The following EFHC2 variants were observed in gnomAD, a reference collection of about 807,000 sequenced individuals.
EFHC2 encodes EF-hand domain-containing family member C2.
EFHC2 carries 18 observed loss-of-function variants against 52.7 expected under a neutral mutation model. That is an observed-to-expected ratio of 0.34 (90% CI 0.24 to 0.51). The LOEUF (loss-of-function observed/expected upper bound fraction) is 0.51. EFHC2 is among the 20% of genes least tolerant of loss of function. EFHC2 has a pLI of 0.97. For missense variants in EFHC2, 513 were observed against 562.5 expected (o/e 0.91, Z 0.89); for synonymous variants, 203 against 204.1 (o/e 0.99, Z 0.04).
intron 3 of EFHC2, among the ~76,000 whole-genome samples, chrX:44,266,012 T>A (rs747548250): frequency 8.9e-6 from 1 of 112,063 alleles, no homozygotes; most frequent in African/African-American, 3.2e-5. Flanking sequence ...TAACAGATGC[T>A]TTAATGTCCT....
chrX:44,187,267 A>G (rs1361109780), intron 11 of EFHC2, among the ~76,000 whole-genome samples: 4 of 107,950 alleles, frequency 3.7e-5, no homozygotes, highest in Non-Finnish European at 7.6e-5. Context: ...CCACCGAAAT[A>G]TAACCAAGTA....
intron 11 of EFHC2, among the ~76,000 whole-genome samples, chrX:44,218,011 A>G (rs1484427998): frequency 9.0e-6 from 1 of 111,599 alleles, no homozygotes; most frequent in Non-Finnish European, 1.9e-5. Flanking sequence ...ATTAAAAAAG[A>G]TTCAAGGGGA....
chrX:44,282,366 G>A (rs2037708852), intron 2 of EFHC2, among the ~76,000 whole-genome samples: 1 of 103,719 alleles, frequency 9.6e-6, no homozygotes, highest in Admixed American at 1.0e-4. Flanking sequence ...CACTTTGGGA[G>A]GCCGAGGCAG....
At chrX:44,153,513 T>G (rs1185350651) in intron 14 of EFHC2, among the ~76,000 whole-genome samples, 2 of 111,818 alleles carry the variant, frequency 1.8e-5, no homozygotes, top group Non-Finnish European at 3.8e-5. Context: ...GGTCCATCTA[T>G]TGCCAACCCC....
At chrX:44,211,561 G>T (rs1303175471) in intron 11 of EFHC2, among the ~76,000 whole-genome samples, 1 of 106,733 alleles carries the variant, frequency 9.4e-6, no homozygotes, top group African/African-American at 3.4e-5. Context: ...AAGTAAAAAA[G>T]AAAAAATAAA....
intron 14 of EFHC2, among the ~76,000 whole-genome samples, chrX:44,156,126 T>C (rs1428520902): frequency 8.9e-6 from 1 of 111,896 alleles, no homozygotes; most frequent in African/African-American, 3.3e-5. Context: ...GAGATGTGGA[T>C]TTTTGAGCTT....
At chrX:44,322,841 C>T (rs1569308709) in intron 1 of EFHC2, among the ~76,000 whole-genome samples, 1 of 110,918 alleles carries the variant, frequency 9.0e-6, no homozygotes, top group African/African-American at 3.3e-5. Flanking sequence ...GGTGAAACCC[C>T]GTCTCTGCTA....
rs761097766 is a variant in EFHC2, at chrX:44,330,080, C to T, written c.42+13467G>A. Among the ~76,000 whole-genome samples, 5 of 49,890 alleles carry T rather than the reference C, an allele frequency of 1.0e-4. No individual in the cohort carries two copies. In the South Asian group the frequency reaches 5.4e-3, roughly 54 times the overall value. 43.3% of individuals were successfully genotyped at this position (49,890 alleles called of 115,157 possible). A position where few individuals can be genotyped will look rare whatever the true frequency, so the allele number is the denominator to read the frequency against. On this transcript the variant is annotated intron_variant, in intron 1 of 14. Coordinates refer to ENST00000420999, the MANE Select transcript of EFHC2 (RefSeq NM_025184.4). The stretch of plus-strand genomic sequence containing the variant: ...CCTGGGCAACATGGTAAAACCCTGT[C>T]TCTACAAAAAAAAAAAAAAAAAAAA...
intron 13 of EFHC2, among the ~76,000 whole-genome samples, chrX:44,167,049 T>A (rs2036701457): frequency 9.0e-6 from 1 of 111,725 alleles, no homozygotes; most frequent in African/African-American, 3.3e-5. Flanking sequence ...GGCTTCCCAA[T>A]CCACTTAGAA....
intron 7 of EFHC2, among the ~76,000 whole-genome samples, chrX:44,243,021 G>A (rs1286862079): frequency 1.8e-5 from 2 of 111,854 alleles, no homozygotes; most frequent in East Asian, 5.6e-4. Context: ...GGAGTGCTAC[G>A]CGGTAAATAC....
At chrX:44,262,512 C>CAAAA (rs749239313) in intron 3 of EFHC2, among the ~76,000 whole-genome samples, 10 of 29,176 alleles carry the variant, frequency 3.4e-4, no homozygotes, top group East Asian at 1.4e-3. Flanking sequence ...AGCCCTGTCT[C>CAAAA]AAAAAAAAAA....
intron 2 of EFHC2, among the ~76,000 whole-genome samples, chrX:44,298,952 C>A (rs1478102132): frequency 9.3e-6 from 1 of 107,043 alleles, no homozygotes; most frequent in Non-Finnish European, 1.9e-5. Flanking sequence ...ATGAAGTTTA[C>A]CTCAATAAAT....
At chrX:44,154,536 A>G (rs189050345) in intron 14 of EFHC2, among the ~76,000 whole-genome samples, 5 of 108,398 alleles carry the variant, frequency 4.6e-5, no homozygotes, top group Non-Finnish European at 1.9e-5. Context: ...CCCTGTCTCT[A>G]CAAAAGAAAA....
intron 11 of EFHC2, among the ~76,000 whole-genome samples, chrX:44,194,000 T>A (rs1266298433): frequency 2.7e-5 from 3 of 111,186 alleles, no homozygotes; most frequent in Non-Finnish European, 3.8e-5. Flanking sequence ...CAGAGTTGTG[T>A]AGTTCACAAC....
chrX:44,207,259 C>T (rs1362401017), intron 11 of EFHC2, among the ~76,000 whole-genome samples: 1 of 111,861 alleles, frequency 8.9e-6, no homozygotes, highest in Non-Finnish European at 1.9e-5. Context: ...CTCCTATAAT[C>T]CCAACACTCT....
chrX:44,254,845 A>C (rs1372032283), intron 4 of EFHC2, among the ~76,000 whole-genome samples: 1 of 111,972 alleles, frequency 8.9e-6, no homozygotes, highest in African/African-American at 3.3e-5. Flanking sequence ...GTTGAAATGA[A>C]GGAAAAAGTG....
At chrX:44,196,185 G>A (rs2036964852) in intron 11 of EFHC2, among the ~76,000 whole-genome samples, 2 of 111,937 alleles carry the variant, frequency 1.8e-5, no homozygotes, top group South Asian at 7.5e-4. Context: ...CCACAGTGCT[G>A]AGACTACAGG....
chrX:44,197,289 G>GTTCATTCA (rs762126012), intron 11 of EFHC2, among the ~76,000 whole-genome samples: 29 of 111,185 alleles, frequency 2.6e-4, no homozygotes, highest in African/African-American at 9.2e-4. Context: ...ACCTTTGTTC[G>GTTCATTCA]TTCATTCATT....
chrX:44,160,072 T>C (rs1219318162), intron 14 of EFHC2, among the ~76,000 whole-genome samples: 1 of 112,167 alleles, frequency 8.9e-6, no homozygotes, highest in Non-Finnish European at 1.9e-5. Context: ...AGCTAAGGAT[T>C]TGAACTAGGG....
Sources: gnomAD v4.1 joint callset for allele counts (sites outside exome capture counted in the v4.1 genomes callset) on GRCh38, gnomAD v4.1.1 for gene constraint, MANE v1.5 for transcripts, NCBI Gene and HGNC (gene_info 2026-07-23, HGNC 2026-07-21) for gene names.